Variants in CD300LG observed in about 807,000 individuals in gnomAD.
CD300LG encodes the protein CD300 molecule like family member g.
CD300LG carries 29 observed loss-of-function variants against 31.5 expected under a neutral mutation model. The observed-to-expected ratio is 0.92, with a 90% CI of 0.68 to 1.25. The LOEUF (loss-of-function observed/expected upper bound fraction) is 1.25. Ranked by LOEUF, CD300LG falls within the 50% of genes most tolerant of loss-of-function variation. CD300LG has a pLI of 0.00. For missense variants in CD300LG, 396 were observed against 417.6 expected (o/e 0.95, Z 0.45); for synonymous variants, 175 against 177.2 (o/e 0.99, Z 0.10).
intron 6 of CD300LG, chr17:43,861,309 C>T: frequency 1.0e-6 from 1 of 984,020 alleles, no homozygotes; most frequent in Non-Finnish European, 1.2e-6. Context: ...TTGCCTGCCT[C>T]CACTCTGACA....
intron 5 of CD300LG, 108 bp from the exon 6 acceptor site, chr17:43,856,996 C>A (rs2046540245): frequency 6.5e-6 from 7 of 1,084,470 alleles, no homozygotes; most frequent in Admixed American, 1.8e-5. Flanking sequence ...CTCTGGGAAG[C>A]CCCTGCTCCC....
At chr17:43,852,308 G>A (rs1291343369) in intron 2 of CD300LG, among the ~76,000 whole-genome samples, 5 of 151,830 alleles carry the variant, frequency 3.3e-5, no homozygotes, top group East Asian at 1.9e-4. Flanking sequence ...TCTCCCTCCC[G>A]GGTTCAAGCA....
rs527305843 is a variant in CD300LG, at chr17:43,847,980, C to T, written c.44-578C>T. 1.6e-4 allele frequency among the ~76,000 whole-genome samples: 25 copies of T among 152,104 alleles called. 1 individual carries two copies. Among genetic ancestry groups the T allele is most frequent in the Non-Finnish European group, 3.4e-4 (23 of 68,034 alleles). ...AAACAAAACCAGGCACGGTGGCTCA[C>T]GCCTGTAATCCAAGCTCTTTGGGAG... On this transcript the variant is annotated intron_variant, in intron 1 of 6. Transcript: ENST00000317310.
Position 43,861,959 on chromosome 17 carries a change from C to A in CD300LG, c.*48C>A. 3 of 1,391,092 alleles carry A rather than the reference C, an allele frequency of 2.2e-6. No individual in the cohort carries two copies. The highest frequency in any genetic ancestry group is 1.3e-5 in the South Asian group (1 of 76,438). 86.2% of individuals were successfully genotyped at this position (1,391,092 alleles called of 1,614,324 possible). ...GCCAGCAGTGAAGCAGTATGGCTGGCTGGATCAGCACCGATTCCCGAAAGC... is the reference window on the plus strand; with the variant it reads ...GCCAGCAGTGAAGCAGTATGGCTGGATGGATCAGCACCGATTCCCGAAAGC... On this transcript the variant is annotated 3_prime_UTR_variant, in exon 7 of 7. Transcript: ENST00000317310.
At chr17:43,850,687 T>C (rs80337574) in intron 2 of CD300LG, among the ~76,000 whole-genome samples, 6,336 of 152,152 alleles carry the variant, frequency 0.042, 369 homozygotes, top group African/African-American at 0.13. Flanking sequence ...CATATTGGCC[T>C]GTCTGGTCTC....
chr17:43,861,062 T>C (rs997757905), intron 6 of CD300LG: 164 of 983,316 alleles, frequency 1.7e-4, no homozygotes, highest in Middle Eastern at 5.2e-4. Context: ...CTCATCTTGC[T>C]TGGGCTTGGC....
chr17:43,853,671 G>C (rs1308621433), intron 3 of CD300LG, 136 bp from the exon 4 acceptor site: 1 of 678,136 alleles, frequency 1.5e-6, no homozygotes, highest in African/African-American at 1.8e-5. Flanking sequence ...TTGCTTACTG[G>C]GGTATCCTTT....
At chr17:43,855,580 T>G in intron 5 of CD300LG, 8 of 305,676 alleles carry the variant, frequency 2.6e-5, no homozygotes, top group Admixed American at 4.7e-5. Flanking sequence ...AGCACTTCTC[T>G]ACCTATTGAT....
At chr17:43,857,457 C>T in intron 6 of CD300LG, 4 of 1,537,114 alleles carry the variant, frequency 2.6e-6, no homozygotes, top group Admixed American at 2.0e-5. Flanking sequence ...TCCATCCCCC[C>T]TTTTAGAATC....
rs1384976115 is a variant in CD300LG, at chr17:43,853,002, C to T, written c.470C>T (p.Pro157Leu). ...QPKAKAQQTQ[P>L]PGLTSPGLYP... Reference sequence around the variant, plus strand: ...AAGGCAAAAGCTCAGCAAACCCAGCCCCCAGGATTGAGTGAGTGAATGGCA... The same window carrying T: ...AAGGCAAAAGCTCAGCAAACCCAGCTCCCAGGATTGAGTGAGTGAATGGCA... The change falls in exon 3 of 7, where the codon CCC becomes CTC. Residue 157 changes from proline (P) to leucine (L), a missense_variant. Transcript: ENST00000317310. 2 of 1,611,108 alleles carry T rather than the reference C, an allele frequency of 1.2e-6. No individual in the cohort carries two copies. The highest frequency in any genetic ancestry group is 1.7e-6 in the Non-Finnish European group (2 of 1,178,616).
intron 3 of CD300LG, 64 bp downstream of exon 3, chr17:43,853,077 C>G: frequency 7.3e-7 from 1 of 1,363,960 alleles, no homozygotes; most frequent in Non-Finnish European, 1.0e-6. Flanking sequence ...CCAGTGAGTG[C>G]CTGCCTGGTA....
At chr17:43,855,842 G>A (rs997463860) in intron 5 of CD300LG, 1 of 152,132 alleles carries the variant, frequency 6.6e-6, no homozygotes, top group African/African-American at 2.4e-5. Context: ...ACATCAAACA[G>A]AAATAGAATA....
chr17:43,856,594 T>G (rs1024333865), intron 5 of CD300LG, among the ~76,000 whole-genome samples: 5 of 152,158 alleles, frequency 3.3e-5, no homozygotes, highest in African/African-American at 1.2e-4. Context: ...GTGTGGCTCC[T>G]AGGAGGAAAT....
chr17:43,860,710 G>A (rs1015926415), intron 6 of CD300LG, among the ~76,000 whole-genome samples: 2 of 152,206 alleles, frequency 1.3e-5, no homozygotes, highest in Admixed American at 6.5e-5. Flanking sequence ...CTTGTTATTC[G>A]ACGAATCTTT....
Position 43,862,533 on chromosome 17 carries a change from CTG to C in CD300LG, c.*624_*625del, listed in dbSNP as rs1253999689. 6.6e-5 allele frequency: 10 copies of C among 152,258 alleles called. No homozygotes were observed. Among genetic ancestry groups the C allele is most frequent in the African/African-American group, 2.4e-4 (10 of 41,458 alleles). The allele number at this position is 152,258 out of a possible 1,614,324, so 9.4% of individuals were successfully genotyped here. A position where few individuals can be genotyped will look rare whatever the true frequency, so the allele number is the denominator to read the frequency against. On this transcript the variant is annotated 3_prime_UTR_variant, in exon 7 of 7. Transcript: ENST00000317310. ...CTGAATTTCTAACAATGCCCAGTGACTGTCGCACTTGAGTTTGAGGGCCAGTG... is the reference window on the plus strand; with the variant it reads ...CTGAATTTCTAACAATGCCCAGTGACTCGCACTTGAGTTTGAGGGCCAGTG...
chr17:43,857,139 T>C lies in CD300LG; in HGVS notation c.868T>C (p.Phe290Leu). ...QATETQRNEK[F>L]CLSRLTAEEK... ...CACGGAGACACAGAGGAACGAGAAG[T>C]TCTGCCTCTCACGCTTGGTAAGGAC... The change falls in exon 6 of 7, where the codon TTC becomes CTC. Residue 290 changes from phenylalanine (F) to leucine (L), a missense_variant. Physicochemically the swap from Phe to Leu is conservative, Grantham distance 22. Transcript: ENST00000317310. 1 of 1,614,164 alleles carries C rather than the reference T, an allele frequency of 6.2e-7. No individual in the cohort carries two copies. The highest frequency in any genetic ancestry group is 8.5e-7 in the Non-Finnish European group (1 of 1,180,024).
rs142466794 is a variant in CD300LG, at chr17:43,855,303, C to G, written c.816C>G (p.Leu272=). The G allele has an allele frequency of 9.4e-5, 149 of 1,589,078 alleles. No homozygotes were observed. The highest frequency in any genetic ancestry group is 1.1e-4 in the Non-Finnish European group (125 of 1,170,246). Residue 272 remains leucine, a synonymous_variant, in exon 5 of 7, where the codon CTC becomes CTG. Transcript: ENST00000317310. ...AGLIAFCSHL[L]LWRKEAQQAT... is the part of the protein sequence containing the mutation. ...TGATCGCCTTCTGCAGCCACCTGCTCCTGTGGAGAAAGGAAGGTGAGCAAA... is the reference window on the plus strand; with the variant it reads ...TGATCGCCTTCTGCAGCCACCTGCTGCTGTGGAGAAAGGAAGGTGAGCAAA...
At chr17:43,861,250 C>A in intron 6 of CD300LG, 1 of 985,404 alleles carries the variant, frequency 1.0e-6, no homozygotes, top group Non-Finnish European at 1.2e-6. Flanking sequence ...AGTATCTAAG[C>A]CAAGTATGGA....
At position 43,861,856 on chromosome 17, in the gene CD300LG, C is replaced by G. The variant is rs759249366; in HGVS notation, c.944C>G (p.Pro315Arg). The G allele has an allele frequency of 2.5e-6, 4 of 1,612,884 alleles. No individual in the cohort carries two copies. In the South Asian group the frequency reaches 4.4e-5, roughly 18 times the overall value. The change falls in exon 7 of 7, where the codon CCT becomes CGT. Residue 315 changes from proline (P) to arginine (R), a missense_variant. By Grantham distance (103) the Pro-to-Arg change is moderately radical. Coordinates refer to ENST00000317310, the MANE Select transcript of CD300LG (RefSeq NM_145273.4). ...CCTGAGGGGGACGTGATCTCGATGC[C>G]TCCCCTCCACACATCTGAGGAGGAG... ...QAPEGDVISMPPLHTSEEELG... is the reference protein window; with the variant it reads ...QAPEGDVISMRPLHTSEEELG...
Sources: allele counts gnomAD v4.1 joint callset (sites outside exome capture counted in the v4.1 genomes callset), GRCh38; gene constraint gnomAD v4.1.1; transcripts MANE v1.5; gene names NCBI Gene and HGNC (gene_info 2026-07-23, HGNC 2026-07-21).